CCR5AS: variants seen among roughly 807,000 people sequenced by gnomAD.
CCR5AS encodes CCR5 antisense RNA.
At chr3:46,376,202 A>G (rs1575281285) in intron 2 of CCR5AS, 1 of 164,724 alleles carries the variant, frequency 6.1e-6, no homozygotes, top group East Asian at 1.9e-4. Flanking sequence ...CACCTTCTAA[A>G]ATAATTCATT....
intron 2 of CCR5AS, among the ~76,000 whole-genome samples, chr3:46,391,690 G>A (rs576001113): frequency 7.2e-5 from 11 of 152,302 alleles, no homozygotes; most frequent in South Asian, 2.1e-4. Context: ...TTGTTGGGCC[G>A]GTGGGGGAGG....
intron 2 of CCR5AS, among the ~76,000 whole-genome samples, chr3:46,376,591 C>T (rs912073965): frequency 5.9e-5 from 9 of 152,146 alleles, no homozygotes; most frequent in African/African-American, 2.2e-4. Context: ...AGATATGCAA[C>T]GTCATGGCCT....
chr3:46,387,611 T>G (rs1309162284), intron 2 of CCR5AS, among the ~76,000 whole-genome samples: 2 of 151,940 alleles, frequency 1.3e-5, no homozygotes, highest in Non-Finnish European at 2.9e-5. Flanking sequence ...TAACTGGGGG[T>G]GGTGGTGTGC....
At chr3:46,401,514 C>T (rs942249095) in intron 1 of CCR5AS, among the ~76,000 whole-genome samples, 11 of 152,334 alleles carry the variant, frequency 7.2e-5, no homozygotes, top group African/African-American at 1.7e-4. Context: ...TGGGGAATGA[C>T]GCAAGGTTTG....
intron 2 of CCR5AS, chr3:46,376,340 A>T (rs1004022890): frequency 6.6e-6 from 1 of 152,190 alleles, no homozygotes; most frequent in Admixed American, 6.5e-5. Context: ...AAAGAGAGAG[A>T]TAATTGTATT....
At chr3:46,398,300 T>G (rs1036244875) in intron 1 of CCR5AS, among the ~76,000 whole-genome samples, 4 of 151,990 alleles carry the variant, frequency 2.6e-5, no homozygotes, top group African/African-American at 9.7e-5. Flanking sequence ...TGCTCCCACT[T>G]CAAGCCATGA....
At position 46,377,576 on chromosome 3, in the gene CCR5AS, C is replaced by T. The variant is rs531710304; in HGVS notation, n.392-6159G>A. ...TTTACAAATCATTTATTTTCTATCA[C>T]GGGGAGAGATAGAGCTCCAAATGCA... On this transcript the variant is annotated intron_variant and non_coding_transcript_variant, in intron 2 of 3. Coordinates refer to ENST00000451485, the Ensembl canonical transcript of CCR5AS. 1.3e-4 allele frequency among the ~76,000 whole-genome samples: 20 copies of T among 152,270 alleles called. No individual in the cohort carries two copies. The South Asian group carries it at 2.5e-3, about 19-fold the overall frequency.
chr3:46,404,539 T>C (rs1215983363), intron 1 of CCR5AS, among the ~76,000 whole-genome samples: 1 of 151,974 alleles, frequency 6.6e-6, no homozygotes, highest in Non-Finnish European at 1.5e-5. Context: ...AGTTTTGCCA[T>C]GTCGGCCAGG....
intron 2 of CCR5AS, among the ~76,000 whole-genome samples, chr3:46,384,247 A>G (rs1296844860): frequency 6.6e-6 from 1 of 152,244 alleles, no homozygotes; most frequent in African/African-American, 2.4e-5. Flanking sequence ...CATAGCATAC[A>G]AAGAAGCTGG....
chr3:46,405,707 AC>A (rs1702038421), intron 1 of CCR5AS, among the ~76,000 whole-genome samples: 1 of 151,428 alleles, frequency 6.6e-6, no homozygotes, highest in South Asian at 2.1e-4. Flanking sequence ...ACCAGCACCA[AC>A]TCCTCTGCCA....
At chr3:46,373,583 G>A (rs548727619) in intron 2 of CCR5AS, 2 of 1,613,516 alleles carry the variant, frequency 1.2e-6, no homozygotes, top group East Asian at 4.5e-5. Flanking sequence ...GTCGAAATGA[G>A]AAGAAGAGGC....
At chr3:46,372,270 C>T (rs1701672419) in intron 2 of CCR5AS, among the ~76,000 whole-genome samples, 1 of 152,136 alleles carries the variant, frequency 6.6e-6, no homozygotes, top group South Asian at 2.1e-4. Flanking sequence ...GTGGCTCATG[C>T]CTGTAATCCC....
At chr3:46,379,448 G>A (rs967244171) in intron 2 of CCR5AS, among the ~76,000 whole-genome samples, 14 of 152,082 alleles carry the variant, frequency 9.2e-5, no homozygotes, top group Non-Finnish European at 1.6e-4. Context: ...TTTATCATTC[G>A]CACTCTCCTT....
exon 4 of CCR5AS, chr3:46,364,913 CTAG>C (rs1320704656): frequency 6.6e-6 from 1 of 152,252 alleles, no homozygotes; most frequent in Non-Finnish European, 1.5e-5. Flanking sequence ...AGAACTAGAA[CTAG>C]AAGTGGAGCC....
chr3:46,382,997 T>A (rs1453933307), intron 2 of CCR5AS, among the ~76,000 whole-genome samples: 2 of 152,222 alleles, frequency 1.3e-5, no homozygotes, highest in Non-Finnish European at 2.9e-5. Flanking sequence ...ATAAAAGCTC[T>A]GGTAACAGTT....
intron 1 of CCR5AS, among the ~76,000 whole-genome samples, chr3:46,405,450 CT>C (rs2106784278): frequency 6.6e-6 from 1 of 152,274 alleles, no homozygotes; most frequent in South Asian, 2.1e-4. Context: ...CAAAGTCTGA[CT>C]TGACTTTCCT....
intron 3 of CCR5AS, among the ~76,000 whole-genome samples, chr3:46,370,289 A>G (rs1701644382): frequency 6.6e-6 from 1 of 152,094 alleles, no homozygotes; most frequent in African/African-American, 2.4e-5. Flanking sequence ...CCAGAAAAAG[A>G]TGGGAAACCT....
At chr3:46,364,806 G>A (rs1256654759) in exon 4 of CCR5AS, 2 of 152,218 alleles carry the variant, frequency 1.3e-5, no homozygotes, top group Non-Finnish European at 2.9e-5. Flanking sequence ...ACATTAACAG[G>A]AGTGTGAAAG....
At chr3:46,398,466 G>A (rs1392332300) in intron 1 of CCR5AS, among the ~76,000 whole-genome samples, 1 of 152,138 alleles carries the variant, frequency 6.6e-6, no homozygotes, top group Non-Finnish European at 1.5e-5. Flanking sequence ...AACCCTTAAA[G>A]ATTTGATGAA....
Sources: gnomAD v4.1 joint callset for allele counts (sites outside exome capture counted in the v4.1 genomes callset) on GRCh38, gnomAD v4.1.1 for gene constraint, MANE v1.5 for transcripts, NCBI Gene and HGNC (gene_info 2026-07-23, HGNC 2026-07-21) for gene names.